The following LGSN variants were observed in gnomAD, a reference collection of about 807,000 sequenced individuals.
The protein encoded by LGSN is lengsin, lens protein with glutamine synthetase domain.
A neutral mutation model predicts 19.5 loss-of-function variants in LGSN; 21 were observed. The observed-to-expected ratio is 1.07, with a 90% CI of 0.76 to 1.55. LGSN has a LOEUF of 1.55. Among genes scored for constraint, LGSN ranks in the 40% most tolerant of loss-of-function variants. The probability of loss-of-function intolerance (pLI) is 0.00; values close to 1 mark genes in which losing one functional copy is unlikely to be tolerated. For synonymous variants in LGSN, 257 were observed against 215.6 expected, an observed-to-expected ratio of 1.19 and a Z score of -1.68; for missense variants, 673 against 608.5, an observed-to-expected ratio of 1.11 and a Z score of -1.12.
At chr6:63,334,285 A>G in the LGSN span, among the ~76,000 whole-genome samples, 8 of 152,226 alleles carry the variant, frequency 5.3e-5, no homozygotes, top group African/African-American at 9.6e-5. Context: ...TACAAAATTA[A>G]CATATTAAAA....
chr6:63,436,885 A>AG, the LGSN span, among the ~76,000 whole-genome samples: 227 of 151,348 alleles, frequency 1.5e-3, no homozygotes, highest in Non-Finnish European at 2.3e-3. Context: ...AAAATACAAA[A>AG]AAATAGCTGG....
the LGSN span, among the ~76,000 whole-genome samples, chr6:63,360,613 G>C: frequency 1.3e-5 from 2 of 151,974 alleles, no homozygotes; most frequent in African/African-American, 4.8e-5. Context: ...TCCTCCTTTA[G>C]CTCAGAGTAG....
the LGSN span, among the ~76,000 whole-genome samples, chr6:63,434,476 G>A: frequency 6.6e-3 from 962 of 146,096 alleles, 12 homozygotes; most frequent in African/African-American, 0.023. Flanking sequence ...TGTGACCTTT[G>A]GGCCAGGTGC....
chr6:63,521,637 C>CAT, the LGSN span: 3 of 152,192 alleles, frequency 2.0e-5, no homozygotes, highest in South Asian at 2.1e-4. Context: ...AAACTGTCCC[C>CAT]TTGAACTGTA....
Position 63,280,014 on chromosome 6 carries a change from C to T in LGSN, c.*7G>A. 6.3e-7 allele frequency: 1 copy of T among 1,580,370 alleles called. No individual in the cohort carries two copies. Among genetic ancestry groups the T allele is most frequent in the Non-Finnish European group, 8.6e-7 (1 of 1,164,556 alleles). On this transcript the variant is annotated 3_prime_UTR_variant, in exon 4 of 4. Transcript: ENST00000370657. ...ACATGTCTAAAGGAGTAGTTGTGAG[C>T]TCTATTCTAAATAAAATACTCTAAG...
Position 63,280,026 on chromosome 6 carries a change from T to C in LGSN, c.1525A>G (p.Ile509Val), listed in dbSNP as rs977743643. 6.3e-6 allele frequency: 10 copies of C among 1,596,664 alleles called. No homozygotes were observed. The highest frequency in any genetic ancestry group is 1.7e-5 in the Admixed American group (1 of 57,728). ...GAGTAGTTGTGAGCTCTATTCTAAA[T>C]AAAATACTCTAAGAATTTATTTCTC... ...AERNKFLEYF[I>V] The change falls in exon 4 of 4, where the codon ATT (isoleucine) becomes GTT (valine). Residue 509 changes from isoleucine to valine, a missense_variant. Ile to Val is a conservative substitution (Grantham distance 29, BLOSUM62 3). Transcript: ENST00000370657.
chr6:63,510,390 A>G, the LGSN span, among the ~76,000 whole-genome samples: 1 of 152,006 alleles, frequency 6.6e-6, no homozygotes, highest in Non-Finnish European at 1.5e-5. Flanking sequence ...AAAACATAAA[A>G]GTTAAACTAA....
the LGSN span, among the ~76,000 whole-genome samples, chr6:63,361,924 A>G: frequency 6.6e-6 from 1 of 152,212 alleles, no homozygotes; most frequent in Non-Finnish European, 1.5e-5. Context: ...AACAATAAAT[A>G]TTCATTTTGC....
chr6:63,517,822 G>A, the LGSN span, among the ~76,000 whole-genome samples: 662 of 152,080 alleles, frequency 4.4e-3, 4 homozygotes, highest in African/African-American at 0.015. Flanking sequence ...CTCTACTAGC[G>A]CAACCCAATA....
At chr6:63,293,894 C>T (rs979133489) in intron 2 of LGSN, 1 of 392,036 alleles carries the variant, frequency 2.6e-6, no homozygotes, top group African/African-American at 2.1e-5. Flanking sequence ...TATGTTTCCA[C>T]TGTTTTCAAC....
chr6:63,570,002 C>T, the LGSN span, among the ~76,000 whole-genome samples: 4 of 152,178 alleles, frequency 2.6e-5, no homozygotes, highest in Non-Finnish European at 5.9e-5. Flanking sequence ...CTCAGCATAG[C>T]AGTGAACCAC....
chr6:63,441,419 A>G, the LGSN span: 1 of 461,766 alleles, frequency 2.2e-6, no homozygotes, highest in South Asian at 1.9e-5. Flanking sequence ...GGACCTGAAG[A>G]ATAACCTCTG....
the LGSN span, among the ~76,000 whole-genome samples, chr6:63,332,817 T>C: frequency 1.3e-5 from 2 of 152,260 alleles, no homozygotes; most frequent in East Asian, 1.9e-4. Flanking sequence ...TCTCACCACA[T>C]GGCGGTAGGC....
At chr6:63,301,730 C>T (rs1260316962) in intron 1 of LGSN, among the ~76,000 whole-genome samples, 3 of 152,066 alleles carry the variant, frequency 2.0e-5, no homozygotes, top group Admixed American at 6.5e-5. Flanking sequence ...GAAAGATGTT[C>T]GTCCACCTTT....
At chr6:63,527,526 T>A in the LGSN span, among the ~76,000 whole-genome samples, 1 of 152,242 alleles carries the variant, frequency 6.6e-6, no homozygotes, top group African/African-American at 2.4e-5. Context: ...ATGTGCTTTA[T>A]ACTGTGTCCA....
At chr6:63,393,301 C>A in the LGSN span, among the ~76,000 whole-genome samples, 5 of 151,898 alleles carry the variant, frequency 3.3e-5, no homozygotes, top group Admixed American at 6.6e-5. Context: ...TCCTCCCCAA[C>A]CTGTAGGTGA....
At chr6:63,285,536 G>A (rs755932455) in intron 3 of LGSN, 51 bp downstream of exon 3, 1 of 1,389,786 alleles carries the variant, frequency 7.2e-7, no homozygotes, top group Admixed American at 1.8e-5. Flanking sequence ...AGAACTGTTT[G>A]CTTGCTAATG....
the LGSN span, among the ~76,000 whole-genome samples, chr6:63,408,217 G>A: frequency 2.6e-5 from 4 of 151,774 alleles, no homozygotes; most frequent in Admixed American, 6.6e-5. Flanking sequence ...AGCCCACATC[G>A]CCAAGTCAAT....
chr6:63,394,817 T>C, the LGSN span, among the ~76,000 whole-genome samples: 1 of 152,170 alleles, frequency 6.6e-6, no homozygotes, highest in African/African-American at 2.4e-5. Flanking sequence ...GCTTGCTGTA[T>C]ACAGCAGCTG....
Sources: allele counts gnomAD v4.1 joint callset (sites outside exome capture counted in the v4.1 genomes callset), GRCh38; gene constraint gnomAD v4.1.1; transcripts MANE v1.5; gene names NCBI Gene and HGNC (gene_info 2026-07-23, HGNC 2026-07-21).